The following GALNT17 variants were observed in gnomAD, a reference collection of about 807,000 sequenced individuals.
The protein encoded by GALNT17 is polypeptide N-acetylgalactosaminyltransferase 17.
In GALNT17, 29 loss-of-function variants were observed where a neutral mutation model predicts 63.7. The observed-to-expected ratio is 0.46, with a 90% CI of 0.34 to 0.62. The LOEUF (loss-of-function observed/expected upper bound fraction) is 0.62, where lower values mean the gene tolerates loss of function less well. Among genes scored for constraint, GALNT17 ranks in the 20% least tolerant of loss-of-function variants. The pLI is 0.01. For synonymous variants in GALNT17, 305 were observed against 318.3 expected (o/e 0.96, Z 0.45); for missense variants, 603 against 799.6 (o/e 0.75, Z 2.97).
In GALNT17 at chr7:71,410,112, A is replaced by T. The variant is rs922518220; in HGVS notation, c.590-5777A>T. 2.0e-5 allele frequency among the ~76,000 whole-genome samples: 3 copies of T among 152,346 alleles called. No individual in the cohort carries two copies. In the South Asian group the frequency reaches 6.2e-4, roughly 32 times the overall value. ...CAGTTAAAGGGGACTGTAATCTTGT[A>T]ACAGGGTCTATTGTCCTAGTCATTC... On this transcript the variant is annotated intron_variant, in intron 3 of 10. Coordinates refer to ENST00000333538, the MANE Select transcript of GALNT17 (RefSeq NM_022479.3).
At chr7:71,413,803 A>G (rs1225525312) in intron 3 of GALNT17, among the ~76,000 whole-genome samples, 1 of 152,218 alleles carries the variant, frequency 6.6e-6, no homozygotes, top group Non-Finnish European at 1.5e-5. Flanking sequence ...AAGCCTGCTC[A>G]GTGTCACTTG....
chr7:71,631,281 C>T (rs1478105115), intron 6 of GALNT17, among the ~76,000 whole-genome samples: 1 of 151,878 alleles, frequency 6.6e-6, no homozygotes, highest in African/African-American at 2.4e-5. Context: ...TAGCCTCAAC[C>T]TCCTGGGCTC....
rs1793379693 is a variant in GALNT17, at chr7:71,408,930, A to T, written c.590-6959A>T. Among the ~76,000 whole-genome samples the T allele has an allele frequency of 2.0e-5, 3 of 151,282 alleles. No homozygotes were observed. In the South Asian group the frequency reaches 6.3e-4, roughly 32 times the overall value. On this transcript the variant is annotated intron_variant, in intron 3 of 10. Transcript: ENST00000333538. The stretch of plus-strand genomic sequence containing the variant: ...TATGTATGTATGTATGTATGTATTT[A>T]TATGTATTTTATATATATATACTGT...
intron 5 of GALNT17, among the ~76,000 whole-genome samples, chr7:71,512,877 A>G (rs1017493160): frequency 6.6e-6 from 1 of 152,220 alleles, no homozygotes; most frequent in Admixed American, 6.5e-5. Flanking sequence ...GAAACATTTC[A>G]TGATTGTCAA....
chr7:71,470,367 T>C (rs183056054), intron 5 of GALNT17, among the ~76,000 whole-genome samples: 1 of 152,292 alleles, frequency 6.6e-6, no homozygotes, highest in East Asian at 1.9e-4. Flanking sequence ...TGGTATCTCC[T>C]GTGGTACAGA....
intron 4 of GALNT17, among the ~76,000 whole-genome samples, chr7:71,418,958 G>A (rs558132825): frequency 7.9e-5 from 12 of 152,258 alleles, no homozygotes; most frequent in African/African-American, 2.4e-4. Flanking sequence ...ACAGGCGCCT[G>A]TAATCCCAGC....
chr7:71,210,923 AT>A (rs2116391805), intron 1 of GALNT17, among the ~76,000 whole-genome samples: 1 of 152,318 alleles, frequency 6.6e-6, no homozygotes, highest in East Asian at 1.9e-4. Flanking sequence ...CACCGGCTAT[AT>A]TTAAGACTCA....
At chr7:71,691,994 C>T (rs1432513960) in intron 9 of GALNT17, among the ~76,000 whole-genome samples, 2 of 151,900 alleles carry the variant, frequency 1.3e-5, no homozygotes, top group African/African-American at 2.4e-5. Flanking sequence ...TCACTGTAGC[C>T]GCGACCTCCT....
chr7:71,629,787 ATTTTTAAACTTTT>A (rs1790429050), intron 6 of GALNT17, among the ~76,000 whole-genome samples: 1 of 152,118 alleles, frequency 6.6e-6, no homozygotes. Flanking sequence ...CCTGAATTAT[ATTTTTAAACTTTT>A]TTATAGAGAG....
At chr7:71,571,694 A>C (rs539040137) in intron 6 of GALNT17, among the ~76,000 whole-genome samples, 2 of 152,126 alleles carry the variant, frequency 1.3e-5, no homozygotes, top group South Asian at 4.2e-4. Flanking sequence ...TCTCTCCTTA[A>C]ATTTTTCTTA....
intron 1 of GALNT17, among the ~76,000 whole-genome samples, chr7:71,210,742 T>A (rs1262690074): frequency 6.6e-6 from 1 of 152,146 alleles, no homozygotes; most frequent in Non-Finnish European, 1.5e-5. Context: ...TTATTTGTCC[T>A]CCCTATGCCT....
intron 2 of GALNT17, among the ~76,000 whole-genome samples, chr7:71,360,915 G>T (rs771860472): frequency 7.9e-5 from 12 of 152,194 alleles, no homozygotes; most frequent in African/African-American, 2.4e-4. Context: ...TCCAGTGTGG[G>T]TGACAGAACA....
At chr7:71,485,816 G>A (rs2116656669) in intron 5 of GALNT17, among the ~76,000 whole-genome samples, 1 of 152,262 alleles carries the variant, frequency 6.6e-6, no homozygotes, top group African/African-American at 2.4e-5. Context: ...AGTCTGAAAA[G>A]GCTGGATGAA....
rs747726741 is a variant in GALNT17 at position 71,318,411 on chromosome 7, CT to C, written c.239-17129del. 2.9e-3 allele frequency among the ~76,000 whole-genome samples: 389 copies of C among 134,416 alleles called. 13 individuals carry two copies. Among genetic ancestry groups the C allele is most frequent in the African/African-American group, 0.01 (359 of 35,112 alleles). The allele number at this position is 134,416 out of a possible 152,430, so 88.2% of individuals were successfully genotyped here. A position where few individuals can be genotyped will look rare whatever the true frequency, so the allele number is the denominator to read the frequency against. On this transcript the variant is annotated intron_variant, in intron 1 of 10. Coordinates refer to ENST00000333538, the MANE Select transcript of GALNT17 (RefSeq NM_022479.3). The stretch of plus-strand genomic sequence containing the variant: ...CTTCCTACGACCATTCCCTGAAGCT[CT>C]TTTTTTTTTGTGTGTGTGTGGGGGG...
At chr7:71,336,021 CTT>C in intron 2 of GALNT17, among the ~76,000 whole-genome samples, 1 of 24,056 alleles carries the variant, frequency 4.2e-5, no homozygotes, top group Non-Finnish European at 7.6e-5. Flanking sequence ...CTTCTTCCTT[CTT>C]CTTTCTTCCT....
At chr7:71,630,666 A>T in intron 6 of GALNT17, among the ~76,000 whole-genome samples, 1 of 152,216 alleles carries the variant, frequency 6.6e-6, no homozygotes, top group Admixed American at 6.5e-5. Context: ...ATTGGCCCTC[A>T]CAAACACATG....
At chr7:71,575,590 G>T (rs1361514446) in intron 6 of GALNT17, among the ~76,000 whole-genome samples, 1 of 151,886 alleles carries the variant, frequency 6.6e-6, no homozygotes, top group Non-Finnish European at 1.5e-5. Context: ...GGGTTTCACC[G>T]TGTTAGCCAG....
At chr7:71,373,654 T>C (rs1792668922) in intron 2 of GALNT17, among the ~76,000 whole-genome samples, 1 of 152,216 alleles carries the variant, frequency 6.6e-6, no homozygotes, top group South Asian at 2.1e-4. Flanking sequence ...AGGAGTATTG[T>C]GAATTCTGCA....
intron 5 of GALNT17, among the ~76,000 whole-genome samples, chr7:71,434,387 G>T (rs919888359): frequency 6.6e-6 from 1 of 152,188 alleles, no homozygotes; most frequent in African/African-American, 2.4e-5. Context: ...CCCTGGGCCT[G>T]GTAGAGAATC....
Sources: gnomAD v4.1 joint callset for allele counts (sites outside exome capture counted in the v4.1 genomes callset) on GRCh38, gnomAD v4.1.1 for gene constraint, MANE v1.5 for transcripts, NCBI Gene and HGNC (gene_info 2026-07-23, HGNC 2026-07-21) for gene names.